The following SLC45A4 variants were observed in gnomAD, a reference collection of about 807,000 sequenced individuals.
The protein encoded by SLC45A4 is solute carrier family 45 member 4, also known as polyamine-transporter SLC45A4.
Under a neutral mutation model 63.7 loss-of-function variants are expected in SLC45A4, and 32 were observed. That is an observed-to-expected ratio of 0.50 (90% CI 0.38 to 0.67). SLC45A4 has a LOEUF of 0.67. SLC45A4 is among the 30% of genes least tolerant of loss of function. The pLI is 0.00. For missense variants in SLC45A4, 1,027 were observed against 1,157.7 expected (o/e 0.89, Z 1.64); for synonymous variants, 535 against 510.0 (o/e 1.05, Z -0.66).
intron 2 of SLC45A4, among the ~76,000 whole-genome samples, chr8:141,231,274 C>T (rs1301428347): frequency 1.3e-5 from 2 of 152,176 alleles, no homozygotes; most frequent in Non-Finnish European, 2.9e-5. Flanking sequence ...GAGAGTGTGG[C>T]CCCTCGCGCC....
In SLC45A4 at chr8:141,257,859, G is replaced by A. The variant is rs564826929; in HGVS notation, c.-400-3230C>T. On this transcript the variant is annotated intron_variant, in intron 1 of 8. Coordinates refer to ENST00000517878, the MANE Select transcript of SLC45A4 (RefSeq NM_001286646.2). The stretch of plus-strand genomic sequence containing the variant: ...GCCCAGAACGTCAACAGCACCAGAG[G>A]GAGACACTCTGTTCTAGGGTTATTA... Among the ~76,000 whole-genome samples the A allele has an allele frequency of 8.7e-4, 133 of 152,246 alleles. 3 individuals carry two copies. Among genetic ancestry groups the A allele is most frequent in the Admixed American group, 8.6e-3 (132 of 15,290 alleles).
chr8:141,222,761 C>T (rs531986284), intron 2 of SLC45A4, among the ~76,000 whole-genome samples: 4 of 152,344 alleles, frequency 2.6e-5, no homozygotes, highest in Admixed American at 6.5e-5. Flanking sequence ...TGACGCCTGT[C>T]GTGTGATGTC....
rs1272273320 is a variant in SLC45A4, at chr8:141,229,471, G to A, written c.242-7706C>T. Among the ~76,000 whole-genome samples the A allele has an allele frequency of 6.6e-6, 1 of 152,084 alleles. No individual in the cohort carries two copies. Among genetic ancestry groups the A allele is most frequent in the East Asian group, 1.9e-4 (1 of 5,172 alleles). On this transcript the variant is annotated intron_variant, in intron 2 of 8. Transcript: ENST00000517878. This position sits in a 1 kb window ranked among gnomAD's most constrained non-coding sequence, Gnocchi z 5.0. ...AACCTCAGCCACGGCCACTGGGGAG[G>A]GTCCAGCCAGTGCCTTCCCCGGGTA... is the stretch of plus-strand genomic sequence containing the variant.
rs368176500 is a variant in SLC45A4, at chr8:141,219,814, T to G, written c.446A>C (p.Asp149Ala). ...GCCAATGGGCTGCCGGTTGGGGACA[T>G]CGCCGAGGGCCAGACCTGCGCAGAG... Reference protein sequence around the residue: ...NGSAIGLALGDVPNRQPIGIV... With the variant: ...NGSAIGLALGAVPNRQPIGIV... Residue 149 changes from aspartate to alanine, a missense_variant, in exon 4 of 9, where the codon GAT becomes GCT. Coordinates refer to ENST00000517878, the MANE Select transcript of SLC45A4 (RefSeq NM_001286646.2). 3.5e-5 allele frequency: 56 copies of G among 1,585,262 alleles called. No homozygotes were observed. In the East Asian group the frequency reaches 5.4e-4, roughly 15 times the overall value.
chr8:141,276,662 C>A (rs567841575), intron 1 of SLC45A4, among the ~76,000 whole-genome samples: 23 of 152,172 alleles, frequency 1.5e-4, no homozygotes, highest in Non-Finnish European at 3.1e-4. Flanking sequence ...TCACAGGTAT[C>A]CATGAGTCAG....
chr8:141,257,854 C>T (rs565526525), intron 1 of SLC45A4, among the ~76,000 whole-genome samples: 6 of 152,156 alleles, frequency 3.9e-5, no homozygotes, highest in Non-Finnish European at 7.3e-5. Context: ...TCAACAGCAC[C>T]AGAGGGAGAC....
intron 1 of SLC45A4, among the ~76,000 whole-genome samples, chr8:141,291,744 A>G (rs1206495633): frequency 6.6e-6 from 1 of 152,232 alleles, no homozygotes; most frequent in Non-Finnish European, 1.5e-5. Context: ...GGTCAATGTT[A>G]CTGGCGTGGC....
intron 1 of SLC45A4, among the ~76,000 whole-genome samples, chr8:141,302,944 A>C (rs1182114710): frequency 2.0e-5 from 3 of 151,676 alleles, no homozygotes; most frequent in Admixed American, 6.6e-5. Context: ...GTGATAAGGA[A>C]CTTATTTTCT....
chr8:141,216,586 C>G (rs990230601), intron 6 of SLC45A4, among the ~76,000 whole-genome samples: 2 of 152,232 alleles, frequency 1.3e-5, no homozygotes, highest in Non-Finnish European at 2.9e-5. Flanking sequence ...CTGGCCTTCC[C>G]CATGTTCAGA....
chr8:141,245,173 T>C (rs1188785581), intron 2 of SLC45A4, among the ~76,000 whole-genome samples: 1 of 152,206 alleles, frequency 6.6e-6, no homozygotes, highest in Non-Finnish European at 1.5e-5. Flanking sequence ...GCACATCATA[T>C]GTGTCAACTC....
intron 1 of SLC45A4, among the ~76,000 whole-genome samples, chr8:141,285,336 G>A (rs374971407): frequency 2.0e-5 from 3 of 152,244 alleles, no homozygotes; most frequent in South Asian, 2.1e-4. Flanking sequence ...GCGCCATGAC[G>A]GGGCCTCGCC....
chr8:141,302,123 T>C (rs1830763784), intron 1 of SLC45A4, among the ~76,000 whole-genome samples: 1 of 152,224 alleles, frequency 6.6e-6, no homozygotes, highest in Non-Finnish European at 1.5e-5. Flanking sequence ...TAACATTGGA[T>C]ACTTTTTAAA....
chr8:141,288,588 C>T (rs778896442), intron 1 of SLC45A4, among the ~76,000 whole-genome samples: 2 of 152,250 alleles, frequency 1.3e-5, no homozygotes, highest in Non-Finnish European at 2.9e-5. Context: ...TCCTACAGGC[C>T]TACTTCACAC....
chr8:141,254,020 G>C lies in SLC45A4; in HGVS notation c.210C>G (p.Thr70=), dbSNP rs1385517432. 1.3e-6 allele frequency: 2 copies of C among 1,536,142 alleles called. No individual in the cohort carries two copies. Among genetic ancestry groups the C allele is most frequent in the South Asian group, 2.4e-5 (2 of 84,066 alleles). The stretch of plus-strand genomic sequence containing the variant: ...GCAACAGTATTGGTGTGACCAGAGC[G>C]GTTTCCATGGCGTAACAGAACTCCC... ...FGREFCYAME[T]ALVTPILLQI... The change falls in exon 2 of 9, where the codon ACC becomes ACG. Residue 70 remains threonine, a synonymous_variant. Transcript: ENST00000517878. The surrounding 1 kb of genome is among the most constrained non-coding windows in gnomAD (Gnocchi z 4.5).
chr8:141,211,162 GC>G lies in SLC45A4; in HGVS notation c.*409del. On this transcript the variant is annotated 3_prime_UTR_variant, in exon 9 of 9. Coordinates refer to ENST00000517878, the MANE Select transcript of SLC45A4 (RefSeq NM_001286646.2). Reference sequence around the variant, plus strand: ...CTTGCGGCGGGACTTGGGAGGCAGGGCCCGCTGGGAGCTCTGCTCTCAGGAA... The same window carrying G: ...CTTGCGGCGGGACTTGGGAGGCAGGGCCGCTGGGAGCTCTGCTCTCAGGAA... 1 of 333,798 alleles carries G rather than the reference GC, an allele frequency of 3.0e-6. No individual in the cohort carries two copies. Among genetic ancestry groups the G allele is most frequent in the Non-Finnish European group, 5.4e-6 (1 of 183,824 alleles). The allele number at this position is 333,798 out of a possible 1,614,324, so 20.7% of individuals were successfully genotyped here. A position where few individuals can be genotyped will look rare whatever the true frequency, so the allele number is the denominator to read the frequency against.
intron 1 of SLC45A4, among the ~76,000 whole-genome samples, chr8:141,273,365 C>T (rs1234590828): frequency 6.6e-6 from 1 of 152,172 alleles, no homozygotes; most frequent in African/African-American, 2.4e-5. Flanking sequence ...TTCTAGCCTG[C>T]GCATCCCCTG....
rs529727540 is a variant in SLC45A4, at chr8:141,218,456, A to C, written c.1184T>G (p.Leu395Arg). ...CGTGTCCACCCTGGTGTAGCCGCCG[A>C]GGGCGTCTTTTGTGGGGGAGCCACT... ...NGSGSPTKDA[L>R]GGYTRVDTKP... The change falls in exon 5 of 9, where the codon CTC (leucine) becomes CGC (arginine). Residue 395 changes from leucine (L) to arginine (R), a missense_variant. By Grantham distance (102) the Leu-to-Arg change is moderately radical. Transcript: ENST00000517878. The C allele has an allele frequency of 5.3e-5, 86 of 1,612,846 alleles. 4 individuals carry two copies. The South Asian group carries it at 8.9e-4, about 17-fold the overall frequency.
At chr8:141,240,296 G>A (rs1827848592) in intron 2 of SLC45A4, among the ~76,000 whole-genome samples, 2 of 152,208 alleles carry the variant, frequency 1.3e-5, no homozygotes, top group African/African-American at 4.8e-5. Flanking sequence ...TAACTCATGA[G>A]TCAAACTGAG....
In SLC45A4 at chr8:141,261,587, A is replaced by G. The variant is rs190705555; in HGVS notation, c.-400-6958T>C. Among the ~76,000 whole-genome samples, 633 of 152,324 alleles carry G rather than the reference A, an allele frequency of 4.2e-3. 2 individuals carry two copies. The highest frequency in any genetic ancestry group is 9.8e-3 in the African/African-American group (409 of 41,560). On this transcript the variant is annotated intron_variant, in intron 1 of 8. Transcript: ENST00000517878. The stretch of plus-strand genomic sequence containing the variant: ...ATTCTTATACACCAATAACAGACAA[A>G]CAGAGAGCCAAATCATGAGTGACCC...
Sources: allele counts gnomAD v4.1 joint callset (sites outside exome capture counted in the v4.1 genomes callset), GRCh38; gene constraint gnomAD v4.1.1; non-coding constraint Gnocchi (gnomAD v3.1); transcripts MANE v1.5; gene names NCBI Gene and HGNC (gene_info 2026-07-23, HGNC 2026-07-21).